DCAF10: variants seen among roughly 807,000 people sequenced by gnomAD.
DCAF10 encodes DDB1- and CUL4-associated factor 10.
In DCAF10, 19 loss-of-function variants were observed where a neutral mutation model predicts 51.9. That is an observed-to-expected ratio of 0.37 (90% confidence interval 0.26 to 0.54). The LOEUF (loss-of-function observed/expected upper bound fraction) is 0.54, where lower values mean the gene tolerates loss of function less well. Among genes scored for constraint, DCAF10 ranks in the 20% least tolerant of loss-of-function variants. The pLI is 0.87. For missense variants in DCAF10, 510 were observed against 730.6 expected, an observed-to-expected ratio of 0.70 and a Z score of 3.48; for synonymous variants, 291 against 297.1, an observed-to-expected ratio of 0.98 and a Z score of 0.21.
Position 37,863,738 on chromosome 9 carries a change from T to G in DCAF10, c.*2230T>G, listed in dbSNP as rs1439006102. ...TTCTAGCCATAAGAAGAAAAGTATT[T>G]TAAATCTTACAGAAATGTTTAAACA... On this transcript the variant is annotated 3_prime_UTR_variant, in exon 7 of 7. Transcript: ENST00000377724. 6.6e-6 allele frequency: 1 copy of G among 152,200 alleles called. No homozygotes were observed. Among genetic ancestry groups the G allele is most frequent in the African/African-American group, 2.4e-5 (1 of 41,448 alleles). The allele number at this position is 152,200 out of a possible 1,614,324, so 9.4% of individuals were successfully genotyped here.
chr9:37,837,809 A>G (rs1830215593), intron 2 of DCAF10, among the ~76,000 whole-genome samples: 1 of 151,712 alleles, frequency 6.6e-6, no homozygotes. Context: ...ACATGCTATC[A>G]GGTATCAGTG....
In DCAF10 at chr9:37,819,382, G is replaced by A; in HGVS notation, c.634G>A (p.Asp212Asn). Reference protein sequence around the residue: ...HIKTLSEAHEDCVNNIRFLDN... With the variant: ...HIKTLSEAHENCVNNIRFLDN... ...AAAAACACTTTCTGAAGCTCATGAA[G>A]ACTGTGTAAATAATATCAGGTTAGT... Residue 212 changes from aspartate to asparagine, a missense_variant, in exon 2 of 7, where the codon GAC (aspartate) becomes AAC (asparagine). This residue lies in a region of DCAF10 where 126 missense variants were observed against 271.5 expected (regional missense o/e 0.46). Transcript: ENST00000377724. The A allele has an allele frequency of 6.2e-7, 1 of 1,613,386 alleles. No individual in the cohort carries two copies. Among genetic ancestry groups the A allele is most frequent in the Non-Finnish European group, 8.5e-7 (1 of 1,179,584 alleles).
At chr9:37,836,052 G>C (rs1589099837) in intron 2 of DCAF10, 3 of 1,109,942 alleles carry the variant, frequency 2.7e-6, no homozygotes, top group Non-Finnish European at 4.2e-6. Flanking sequence ...CGGTAAGGCT[G>C]TATTGGACAG....
chr9:37,850,892 G>C (rs1830631509), intron 3 of DCAF10, among the ~76,000 whole-genome samples: 1 of 103,878 alleles, frequency 9.6e-6, no homozygotes, highest in Non-Finnish European at 1.9e-5. Flanking sequence ...AAATTAGCTT[G>C]ATTTAGCCAT....
intron 5 of DCAF10, among the ~76,000 whole-genome samples, chr9:37,858,197 T>C (rs945551157): frequency 4.6e-5 from 7 of 152,220 alleles, no homozygotes; most frequent in African/African-American, 1.4e-4. Context: ...GTCAGTAGAA[T>C]GGTTTAAGAG....
At chr9:37,851,787 C>T (rs1643607982) in intron 3 of DCAF10, among the ~76,000 whole-genome samples, 1 of 129,918 alleles carries the variant, frequency 7.7e-6, no homozygotes, top group Admixed American at 7.8e-5. Context: ...GACTCTGTCT[C>T]AAAATAAATA....
At chr9:37,810,491 C>T (rs1435209814) in intron 1 of DCAF10, among the ~76,000 whole-genome samples, 9 of 149,638 alleles carry the variant, frequency 6.0e-5, no homozygotes, top group African/African-American at 2.2e-4. Context: ...GAGTTTCATT[C>T]ACTGTTGTTG....
chr9:37,855,342 CA>C (rs981540458), intron 4 of DCAF10, among the ~76,000 whole-genome samples: 83 of 152,270 alleles, frequency 5.5e-4, no homozygotes, highest in African/African-American at 1.9e-3. Context: ...TGGAATCAAG[CA>C]GAGCTTTTAT....
At chr9:37,826,921 G>A (rs943678646) in intron 2 of DCAF10, among the ~76,000 whole-genome samples, 3 of 150,166 alleles carry the variant, frequency 2.0e-5, no homozygotes, top group Non-Finnish European at 4.4e-5. Flanking sequence ...TGCCTTCCAG[G>A]TTCAAGCGAT....
intron 3 of DCAF10, among the ~76,000 whole-genome samples, chr9:37,850,713 CATG>C (rs1426306766): frequency 3.3e-5 from 5 of 150,762 alleles, no homozygotes; most frequent in African/African-American, 7.3e-5. Flanking sequence ...TAAGGTACAA[CATG>C]ATGACCACTG....
At chr9:37,814,123 TATATTTG>T (rs1255376702) in intron 1 of DCAF10, among the ~76,000 whole-genome samples, 9 of 86,464 alleles carry the variant, frequency 1.0e-4, no homozygotes, top group African/African-American at 3.7e-4. Context: ...TATATATATA[TATATTTG>T]TTGTTGTTGT....
At chr9:37,850,096 C>A (rs1830590647) in intron 3 of DCAF10, among the ~76,000 whole-genome samples, 2 of 151,436 alleles carry the variant, frequency 1.3e-5, no homozygotes, top group African/African-American at 2.4e-5. Context: ...CAAATTTGGC[C>A]CATAGGCCAA....
chr9:37,857,444 A>T, intron 5 of DCAF10, 93 bp downstream of exon 5: 1 of 930,664 alleles, frequency 1.1e-6, no homozygotes, highest in Non-Finnish European at 1.5e-6. Context: ...TATGGTTTTA[A>T]TCCATAAAAA....
At chr9:37,822,801 A>G (rs781186037) in intron 2 of DCAF10, among the ~76,000 whole-genome samples, 22 of 152,056 alleles carry the variant, frequency 1.4e-4, no homozygotes, top group Non-Finnish European at 2.9e-4. Flanking sequence ...GAAAAATAAA[A>G]TAAAACTAAA....
At chr9:37,858,719 G>T (rs1388573931) in intron 5 of DCAF10, among the ~76,000 whole-genome samples, 1 of 152,226 alleles carries the variant, frequency 6.6e-6, no homozygotes, top group Non-Finnish European at 1.5e-5. Context: ...GTCAGAGTAT[G>T]TTAACACTAT....
chr9:37,831,155 TG>T (rs1485054794), intron 2 of DCAF10, among the ~76,000 whole-genome samples: 4 of 152,104 alleles, frequency 2.6e-5, no homozygotes, highest in Non-Finnish European at 4.4e-5. Flanking sequence ...AGGCAGAGGT[TG>T]CAGTGAGCCG....
chr9:37,814,883 T>C (rs1044506238), intron 1 of DCAF10, among the ~76,000 whole-genome samples: 2 of 152,206 alleles, frequency 1.3e-5, no homozygotes, highest in African/African-American at 4.8e-5. Context: ...ATACACTTTA[T>C]ACCAAAATCT....
intron 2 of DCAF10, among the ~76,000 whole-genome samples, chr9:37,833,106 TC>T (rs1438734574): frequency 6.6e-6 from 1 of 152,154 alleles, no homozygotes; most frequent in African/African-American, 2.4e-5. Flanking sequence ...CCTCAAGCAA[TC>T]CACCTCGCTC....
intron 3 of DCAF10, among the ~76,000 whole-genome samples, chr9:37,850,862 AT>A (rs1161370693): frequency 4.7e-5 from 5 of 106,112 alleles, no homozygotes; most frequent in Admixed American, 9.2e-5. Flanking sequence ...ATATATATAT[AT>A]ATATATATAT....
Sources: allele counts gnomAD v4.1 joint callset (sites outside exome capture counted in the v4.1 genomes callset), GRCh38; gene constraint gnomAD v4.1.1; regional missense constraint gnomAD v4.1.1; transcripts MANE v1.5; gene names NCBI Gene and HGNC (gene_info 2026-07-23, HGNC 2026-07-21).